TNS3: variants seen among roughly 807,000 people sequenced by gnomAD.
The protein encoded by TNS3 is tensin-3.
TNS3 carries 45 observed loss-of-function variants against 140.9 expected under a neutral mutation model. The ratio of observed to expected loss-of-function variants is 0.32; its 90% CI spans 0.25 to 0.41. The LOEUF (loss-of-function observed/expected upper bound fraction) is 0.41, where lower values mean the gene tolerates loss of function less well. TNS3 is among the 10% of genes least tolerant of loss of function. The pLI, the probability that TNS3 is intolerant of heterozygous loss-of-function variation, is 1.00. For missense variants in TNS3, 1,716 were observed against 1,906.7 expected, an observed-to-expected ratio of 0.90 and a Z score of 1.86; for synonymous variants, 815 against 788.4, an observed-to-expected ratio of 1.03 and a Z score of -0.56.
At chr7:47,507,523 A>G (rs1183691343) in intron 2 of TNS3, among the ~76,000 whole-genome samples, 1 of 152,182 alleles carries the variant, frequency 6.6e-6, no homozygotes, top group Non-Finnish European at 1.5e-5. Flanking sequence ...GAATAAATTC[A>G]TGTCTAAATT....
chr7:47,449,610 T>TTTTG (rs1054756257), intron 4 of TNS3, among the ~76,000 whole-genome samples: 8 of 152,094 alleles, frequency 5.3e-5, no homozygotes, highest in Admixed American at 1.3e-4. Flanking sequence ...TTTGTTTTGT[T>TTTTG]TTTGTTTGTT....
intron 17 of TNS3, among the ~76,000 whole-genome samples, chr7:47,350,982 A>G (rs889669847): frequency 9.2e-5 from 14 of 152,224 alleles, no homozygotes; most frequent in Non-Finnish European, 1.6e-4. Flanking sequence ...AATGCTCATA[A>G]GAGCTTCTCT....
intron 1 of TNS3, among the ~76,000 whole-genome samples, chr7:47,534,727 A>C (rs901133250): frequency 6.6e-6 from 1 of 152,342 alleles, no homozygotes; most frequent in Middle Eastern, 3.4e-3. Flanking sequence ...GGTTTTTTCA[A>C]AGAGATTGCA....
At chr7:47,540,405 C>T (rs1354305773) in intron 1 of TNS3, among the ~76,000 whole-genome samples, 1 of 152,132 alleles carries the variant, frequency 6.6e-6, no homozygotes, top group Non-Finnish European at 1.5e-5. Context: ...GGACATGAGC[C>T]CCTCCATGAG....
intron 13 of TNS3, among the ~76,000 whole-genome samples, chr7:47,404,608 C>T (rs760555749): frequency 4.0e-5 from 6 of 151,560 alleles, no homozygotes; most frequent in Non-Finnish European, 4.4e-5. Flanking sequence ...TGTGCCCGGC[C>T]GGGCGCGGTG....
chr7:47,467,752 A>G (rs759708069), intron 4 of TNS3, among the ~76,000 whole-genome samples: 5 of 152,106 alleles, frequency 3.3e-5, no homozygotes, highest in African/African-American at 4.8e-5. Flanking sequence ...AGCAACCCCC[A>G]TATTTGAAGA....
rs148342771 is a variant in TNS3, at chr7:47,460,567, C to A, written c.-75-18512G>T. On this transcript the variant is annotated intron_variant, in intron 4 of 30. Coordinates refer to ENST00000311160, the MANE Select transcript of TNS3 (RefSeq NM_022748.12). The stretch of plus-strand genomic sequence containing the variant: ...CAGGTGGCCTGGAGATGCTCACCTG[C>A]CGCCCTGCGCTCCCCTCACTTCACC... Among the ~76,000 whole-genome samples the A allele has an allele frequency of 1.4e-4, 22 of 152,348 alleles. No individual in the cohort carries two copies. The East Asian group carries it at 4.3e-3, about 29-fold the overall frequency.
Position 47,396,917 on chromosome 7 carries a change from C to T in TNS3, c.920-13G>A. 2 of 1,599,476 alleles carry T rather than the reference C, an allele frequency of 1.3e-6. No homozygotes were observed. Among genetic ancestry groups the T allele is most frequent in the Non-Finnish European group, 1.7e-6 (2 of 1,166,554 alleles). ...AAGTGTTCGGACCCTGCACAGAGCA[C>T]AGGCAGCAACATTAGTCCCAGTGAA... On this transcript the variant is annotated splice_polypyrimidine_tract_variant and intron_variant, in intron 15 of 30. Transcript: ENST00000311160.
At chr7:47,392,744 T>A (rs1200411355) in intron 16 of TNS3, among the ~76,000 whole-genome samples, 1 of 152,198 alleles carries the variant, frequency 6.6e-6, no homozygotes, top group Admixed American at 6.5e-5. Flanking sequence ...AGCTCACCAA[T>A]GCAGCACACC....
At chr7:47,376,451 G>A (rs369614237) in intron 16 of TNS3, among the ~76,000 whole-genome samples, 4 of 152,266 alleles carry the variant, frequency 2.6e-5, no homozygotes, top group African/African-American at 7.2e-5. Flanking sequence ...CAAGGCCACC[G>A]TGCAAGCTCC....
intron 20 of TNS3, among the ~76,000 whole-genome samples, chr7:47,342,159 G>A (rs1789057254): frequency 6.6e-6 from 1 of 152,144 alleles, no homozygotes. Flanking sequence ...GGGTCCCTTG[G>A]CCCTGAAGTC....
At chr7:47,450,412 T>G (rs763230232) in intron 4 of TNS3, among the ~76,000 whole-genome samples, 24 of 152,352 alleles carry the variant, frequency 1.6e-4, no homozygotes, top group Non-Finnish European at 3.2e-4. Flanking sequence ...ACAGTGTGAC[T>G]TGGATACACA....
intron 17 of TNS3, among the ~76,000 whole-genome samples, chr7:47,358,386 CG>C (rs2151074733): frequency 6.6e-6 from 1 of 152,310 alleles, no homozygotes; most frequent in African/African-American, 2.4e-5. Context: ...ATCCACCCAC[CG>C]TGGCCTCTCA....
chr7:47,531,658 C>T (rs1799408029), intron 1 of TNS3, among the ~76,000 whole-genome samples: 1 of 152,198 alleles, frequency 6.6e-6, no homozygotes, highest in African/African-American at 2.4e-5. Context: ...GCACAAAGTT[C>T]AGGAAAGAAG....
At chr7:47,309,478 T>C (rs1786958298) in intron 20 of TNS3, among the ~76,000 whole-genome samples, 1 of 152,148 alleles carries the variant, frequency 6.6e-6, no homozygotes. Context: ...CGGAGGTTTG[T>C]GTTTGAATTT....
chr7:47,539,956 A>G (rs1799738010), intron 1 of TNS3, among the ~76,000 whole-genome samples: 1 of 152,192 alleles, frequency 6.6e-6, no homozygotes, highest in Non-Finnish European at 1.5e-5. Context: ...GAAGGGACTC[A>G]GAAGCCAGGG....
At chr7:47,557,451 G>A (rs577788437) in intron 1 of TNS3, among the ~76,000 whole-genome samples, 2 of 152,278 alleles carry the variant, frequency 1.3e-5, no homozygotes, top group South Asian at 4.1e-4. Context: ...ATACAGGAAA[G>A]GAAGAGTCAC....
chr7:47,437,467 A>G (rs1795242001), intron 6 of TNS3, among the ~76,000 whole-genome samples, 154 bp from the exon 7 acceptor site: 1 of 151,812 alleles, frequency 6.6e-6, no homozygotes, highest in African/African-American at 2.4e-5. Flanking sequence ...AAAAGCTTTT[A>G]GACAAATCCT....
chr7:47,394,857 G>T (rs963229526), intron 16 of TNS3, among the ~76,000 whole-genome samples: 1 of 152,240 alleles, frequency 6.6e-6, no homozygotes, highest in South Asian at 2.1e-4. Context: ...ACATGGGAAG[G>T]ATAAAGCCTG....
Sources: gnomAD v4.1 joint callset for allele counts (sites outside exome capture counted in the v4.1 genomes callset) on GRCh38, gnomAD v4.1.1 for gene constraint, MANE v1.5 for transcripts, NCBI Gene and HGNC (gene_info 2026-07-23, HGNC 2026-07-21) for gene names.